The following PAG1 variants were observed in gnomAD, a reference collection of about 807,000 sequenced individuals.
PAG1 encodes the protein phosphoprotein membrane anchor with glycosphingolipid microdomains 1.
PAG1 carries 23 observed loss-of-function variants against 31.7 expected under a neutral mutation model. The observed-to-expected ratio is 0.73, with a 90% CI of 0.52 to 1.03. The LOEUF is 1.03. PAG1 is among the 50% of genes least tolerant of loss of function. The probability of loss-of-function intolerance (pLI) is 0.00; values close to 1 mark genes in which losing one functional copy is unlikely to be tolerated. For synonymous variants in PAG1, 214 were observed against 210.3 expected, an observed-to-expected ratio of 1.02 and a Z score of -0.15; for missense variants, 473 against 540.7, an observed-to-expected ratio of 0.87 and a Z score of 1.24.
chr8:81,086,058 T>C (rs1306892238), intron 1 of PAG1, among the ~76,000 whole-genome samples: 1 of 126,050 alleles, frequency 7.9e-6, no homozygotes, highest in Non-Finnish European at 1.6e-5. Context: ...CTCGGCTCAC[T>C]GCAAGCTCCG....
intron 2 of PAG1, among the ~76,000 whole-genome samples, chr8:81,038,979 T>C (rs1440483659): frequency 2.0e-5 from 3 of 152,204 alleles, no homozygotes; most frequent in Admixed American, 2.0e-4. Context: ...CTAATGTATG[T>C]TTAAACACCC....
chr8:81,088,065 T>A (rs899017307), intron 1 of PAG1, among the ~76,000 whole-genome samples: 2 of 152,194 alleles, frequency 1.3e-5, no homozygotes, highest in African/African-American at 4.8e-5. Context: ...TCCCCAAAAA[T>A]AACTCCTTAA....
intron 5 of PAG1, 55 bp from the exon 6 acceptor site, chr8:80,987,521 C>T: frequency 8.1e-7 from 1 of 1,232,670 alleles, no homozygotes; most frequent in Non-Finnish European, 1.2e-6. Context: ...AGAATCTGGA[C>T]TGCAGAGCAG....
At chr8:81,096,979 G>A (rs1809538839) in intron 1 of PAG1, among the ~76,000 whole-genome samples, 1 of 152,228 alleles carries the variant, frequency 6.6e-6, no homozygotes, top group Non-Finnish European at 1.5e-5. Flanking sequence ...GAGGGATGAG[G>A]AAGAGTTGTT....
intron 1 of PAG1, among the ~76,000 whole-genome samples, chr8:81,100,582 G>A (rs1016260148): frequency 6.6e-6 from 1 of 152,098 alleles, no homozygotes; most frequent in Non-Finnish European, 1.5e-5. Flanking sequence ...TCCTCTAGGG[G>A]GTTAAGAACC....
chr8:81,087,048 A>G (rs1809369728), intron 1 of PAG1, among the ~76,000 whole-genome samples: 1 of 152,186 alleles, frequency 6.6e-6, no homozygotes, highest in African/African-American at 2.4e-5. Flanking sequence ...TACATTTTTA[A>G]AGAGCTGTAG....
rs529168482 is a variant in PAG1, at chr8:81,043,163, C to G, written c.-174-13074G>C. 3.9e-5 allele frequency among the ~76,000 whole-genome samples: 6 copies of G among 152,224 alleles called. No homozygotes were observed. The East Asian group carries it at 1.2e-3, about 29-fold the overall frequency. Reference sequence around the variant, plus strand: ...CCTCTACTTTCCCCTCTTTACCACCCCACTGTTCACCACATTCGCCCACTG... The same window carrying G: ...CCTCTACTTTCCCCTCTTTACCACCGCACTGTTCACCACATTCGCCCACTG... On this transcript the variant is annotated intron_variant, in intron 2 of 8. Coordinates refer to ENST00000220597, the MANE Select transcript of PAG1 (RefSeq NM_018440.4).
At position 81,081,912 on chromosome 8, in the gene PAG1, G is replaced by A. The variant is rs185108122; in HGVS notation, c.-233-11742C>T. ...AATACACAGGTTTTTGTGAGAATGT[G>A]ACTTTATTTCTCTGGGATTAAATGC... On this transcript the variant is annotated intron_variant, in intron 1 of 8. Transcript: ENST00000220597. Among the ~76,000 whole-genome samples the A allele has an allele frequency of 1.4e-3, 217 of 152,284 alleles. 1 individual carries two copies. Among genetic ancestry groups the A allele is most frequent in the African/African-American group, 5.1e-3 (211 of 41,556 alleles).
intron 2 of PAG1, among the ~76,000 whole-genome samples, chr8:81,061,713 G>A (rs1454109270): frequency 6.6e-6 from 1 of 152,186 alleles, no homozygotes; most frequent in Non-Finnish European, 1.5e-5. Context: ...GGTGAAGACT[G>A]ACAAAAGACT....
chr8:81,042,949 G>A (rs1808579394), intron 2 of PAG1, among the ~76,000 whole-genome samples: 1 of 152,030 alleles, frequency 6.6e-6, no homozygotes, highest in Non-Finnish European at 1.5e-5. Flanking sequence ...TATGCTGATG[G>A]GCTCCACCAA....
intron 1 of PAG1, among the ~76,000 whole-genome samples, chr8:81,109,242 A>C (rs1809738122): frequency 6.6e-6 from 1 of 152,276 alleles, no homozygotes; most frequent in African/African-American, 2.4e-5. Context: ...GGTGCTGTTA[A>C]GCACTTTGCA....
chr8:81,074,384 G>A (rs1339292606), intron 1 of PAG1, among the ~76,000 whole-genome samples: 1 of 152,180 alleles, frequency 6.6e-6, no homozygotes, highest in African/African-American at 2.4e-5. Flanking sequence ...TATAACACAA[G>A]ATCATGGAAT....
At chr8:81,021,238 A>G (rs1355871948) in intron 3 of PAG1, among the ~76,000 whole-genome samples, 1 of 152,220 alleles carries the variant, frequency 6.6e-6, no homozygotes, top group Non-Finnish European at 1.5e-5. Context: ...GTATACTTCA[A>G]TTCTTCTTAT....
intron 2 of PAG1, among the ~76,000 whole-genome samples, chr8:81,042,947 T>C (rs185580067): frequency 1.3e-5 from 2 of 152,358 alleles, no homozygotes; most frequent in Non-Finnish European, 2.9e-5. Flanking sequence ...CTTATGCTGA[T>C]GGGCTCCACC....
At chr8:81,086,761 G>C (rs1809365177) in intron 1 of PAG1, among the ~76,000 whole-genome samples, 1 of 152,176 alleles carries the variant, frequency 6.6e-6, no homozygotes, top group South Asian at 2.1e-4. Context: ...AATGCAAATT[G>C]AGGCCCATAA....
chr8:81,061,417 T>G (rs7825566), intron 2 of PAG1, among the ~76,000 whole-genome samples: 13,826 of 152,236 alleles, frequency 0.091, 2,148 homozygotes, highest in African/African-American at 0.32. Flanking sequence ...GCTCATCATG[T>G]TGACATACAG....
intron 3 of PAG1, 197 bp downstream of exon 3, chr8:81,029,799 T>G (rs1175896871): frequency 6.6e-6 from 1 of 152,182 alleles, no homozygotes; most frequent in African/African-American, 2.4e-5. Flanking sequence ...TCTGATGGCA[T>G]TCTCCTGGTA....
intron 1 of PAG1, among the ~76,000 whole-genome samples, chr8:81,076,752 AT>A (rs1209724832): frequency 6.6e-6 from 1 of 152,216 alleles, no homozygotes; most frequent in Non-Finnish European, 1.5e-5. Context: ...TTTTTAAAAA[AT>A]TTTAATGTGT....
chr8:81,030,936 T>C (rs1808369842), intron 2 of PAG1, among the ~76,000 whole-genome samples: 2 of 152,234 alleles, frequency 1.3e-5, no homozygotes, highest in Non-Finnish European at 2.9e-5. Context: ...GCTGTGTTTA[T>C]GCTCTAAGGA....
Sources: gnomAD v4.1 joint callset for allele counts (sites outside exome capture counted in the v4.1 genomes callset) on GRCh38, gnomAD v4.1.1 for gene constraint, MANE v1.5 for transcripts, NCBI Gene and HGNC (gene_info 2026-07-23, HGNC 2026-07-21) for gene names.